IFT80: variants seen among roughly 807,000 people sequenced by gnomAD.
IFT80 encodes the protein intraflagellar transport protein 80 homolog.
Under a neutral mutation model 107.9 loss-of-function variants are expected in IFT80, and 79 were observed. The observed-to-expected ratio is 0.73, with a 90% CI of 0.61 to 0.88. The LOEUF (loss-of-function observed/expected upper bound fraction) is 0.88. IFT80 is among the 40% of genes least tolerant of loss of function. IFT80 has a pLI of 0.00. For synonymous variants in IFT80, 299 were observed against 300.9 expected (o/e 0.99, Z 0.07); for missense variants, 797 against 914.2 (o/e 0.87, Z 1.65).
At chr3:160,329,925 T>C (rs1718968783) in intron 8 of IFT80, among the ~76,000 whole-genome samples, 1 of 152,180 alleles carries the variant, frequency 6.6e-6, no homozygotes, top group Admixed American at 6.6e-5. Context: ...CTGTTACTTA[T>C]CTTACTTATC....
chr3:160,309,330 CA>C (rs1254655636), intron 9 of IFT80, among the ~76,000 whole-genome samples: 1 of 152,086 alleles, frequency 6.6e-6, no homozygotes, highest in Admixed American at 6.5e-5. Context: ...TATAGTCACA[CA>C]GGGGAATATT....
intron 16 of IFT80, among the ~76,000 whole-genome samples, 155 bp downstream of exon 16, chr3:160,279,038 T>A (rs759268162): frequency 6.6e-6 from 1 of 152,166 alleles, no homozygotes; most frequent in Non-Finnish European, 1.5e-5. Context: ...CAGCAACATG[T>A]ATTCCTCTGT....
chr3:160,332,048 GTTAT>G (rs1719129720), intron 8 of IFT80, among the ~76,000 whole-genome samples: 1 of 152,114 alleles, frequency 6.6e-6, no homozygotes, highest in Non-Finnish European at 1.5e-5. Flanking sequence ...TTCTCATGGT[GTTAT>G]TTAACATTTC....
At chr3:160,322,409 C>G (rs1162899806) in intron 8 of IFT80, among the ~76,000 whole-genome samples, 1 of 151,808 alleles carries the variant, frequency 6.6e-6, no homozygotes, top group African/African-American at 2.4e-5. Context: ...TGTATATGTG[C>G]CACATTTTCT....
In IFT80 at chr3:160,258,328, T is replaced by C; in HGVS notation, c.*197A>G. 1.4e-6 allele frequency: 1 copy of C among 691,570 alleles called. No homozygotes were observed. The highest frequency in any genetic ancestry group is 2.0e-5 in the South Asian group (1 of 51,270). The allele number at this position is 691,570 out of a possible 1,614,324, so 42.8% of individuals were successfully genotyped here. A position where few individuals can be genotyped will look rare whatever the true frequency, so the allele number is the denominator to read the frequency against. On this transcript the variant is annotated 3_prime_UTR_variant, in exon 20 of 20. Transcript: ENST00000326448. ...AGTAATATTTTGCTAATTATTGGACTAAAAAATATAAAAGATAGAAATACA... is the reference window on the plus strand; with the variant it reads ...AGTAATATTTTGCTAATTATTGGACCAAAAAATATAAAAGATAGAAATACA...
At chr3:160,313,703 G>A (rs934118545) in intron 9 of IFT80, among the ~76,000 whole-genome samples, 1 of 151,452 alleles carries the variant, frequency 6.6e-6, no homozygotes, top group African/African-American at 2.4e-5. Context: ...TCTGCCTCCA[G>A]GGTTCAAGTG....
At chr3:160,316,963 T>C (rs1458969662) in intron 9 of IFT80, among the ~76,000 whole-genome samples, 2 of 152,188 alleles carry the variant, frequency 1.3e-5, no homozygotes, top group East Asian at 1.9e-4. Flanking sequence ...CAATAATGCC[T>C]CTAAGTCAGT....
At position 160,282,598 on chromosome 3, in the gene IFT80, T is replaced by G. The variant is rs751820394; in HGVS notation, c.1396A>C (p.Ile466Leu). Residue 466 changes from isoleucine (I) to leucine (L), a missense_variant, in exon 14 of 20, where the codon ATT (isoleucine) becomes CTT (leucine). Ile to Leu is a conservative substitution (Grantham distance 5, BLOSUM62 2). Transcript: ENST00000326448. ...FLSHKNEILE[I>L]ALDQKGLTND... ...GTAAGTCCTTTTTGATCCAGAGCAA[T>G]TTCCAAGATTTCATTCTAAAATTTT... 7 of 1,584,110 alleles carry G rather than the reference T, an allele frequency of 4.4e-6. No individual in the cohort carries two copies. Among genetic ancestry groups the G allele is most frequent in the Non-Finnish European group, 6.1e-6 (7 of 1,156,006 alleles).
At chr3:160,296,718 G>C (rs986742870) in intron 12 of IFT80, among the ~76,000 whole-genome samples, 25 of 152,102 alleles carry the variant, frequency 1.6e-4, no homozygotes, top group African/African-American at 4.3e-4. Flanking sequence ...TGATAGAAAG[G>C]CTTTGCCTGG....
At chr3:160,314,650 T>C (rs1206406178) in intron 9 of IFT80, among the ~76,000 whole-genome samples, 1 of 152,148 alleles carries the variant, frequency 6.6e-6, no homozygotes, top group African/African-American at 2.4e-5. Flanking sequence ...AATTCTAAGT[T>C]GGGCAAACAA....
Position 160,279,210 on chromosome 3 carries a change from G to A in IFT80, c.1819C>T (p.Leu607Phe). The A allele has an allele frequency of 2.5e-6, 4 of 1,613,248 alleles. No homozygotes were observed. The highest frequency in any genetic ancestry group is 2.2e-5 in the South Asian group (2 of 91,046). The change falls in exon 16 of 20, where the codon CTT (leucine) becomes TTT (phenylalanine). Residue 607 changes from leucine to phenylalanine, a missense_variant. By Grantham distance (22) the Leu-to-Phe change is conservative (BLOSUM62 0). Transcript: ENST00000326448. ...TAAATTACCTTAACAAAGCGACAAA[G>A]TCTCACAGCATCTTCCCATTTTGAA... ...SSSKWEDAVR[L>F]CRFVKEQTMW...
At chr3:160,383,903 T>A in intron 2 of IFT80, 1 of 985,412 alleles carries the variant, frequency 1.0e-6, no homozygotes, top group Middle Eastern at 5.2e-4. Context: ...CACAGTGGAA[T>A]GAATACATGC....
intron 3 of IFT80, among the ~76,000 whole-genome samples, chr3:160,378,643 AT>A (rs200531858): frequency 2.6e-5 from 4 of 151,726 alleles, no homozygotes; most frequent in Admixed American, 6.6e-5. Context: ...CACATATAAA[AT>A]TTAAAAAAAA....
chr3:160,367,493 C>G (rs1721945093), intron 5 of IFT80, among the ~76,000 whole-genome samples: 1 of 152,078 alleles, frequency 6.6e-6, no homozygotes, highest in South Asian at 2.1e-4. Flanking sequence ...CAAAAACAAT[C>G]TAATAACCTC....
At chr3:160,355,878 T>A (rs898988536) in intron 8 of IFT80, 135 bp downstream of exon 8, 74 of 1,076,960 alleles carry the variant, frequency 6.9e-5, no homozygotes, top group Non-Finnish European at 9.6e-5. Flanking sequence ...TGAACCAGCA[T>A]ATTAAGAAGA....
chr3:160,293,643 A>G (rs1260968105), intron 12 of IFT80, among the ~76,000 whole-genome samples: 4 of 151,960 alleles, frequency 2.6e-5, no homozygotes, highest in African/African-American at 4.8e-5. Flanking sequence ...AATGCTTGGA[A>G]TTTTCTGAGT....
At chr3:160,368,727 T>C (rs1056672674) in intron 5 of IFT80, among the ~76,000 whole-genome samples, 6 of 151,966 alleles carry the variant, frequency 3.9e-5, no homozygotes, top group Non-Finnish European at 8.8e-5. Context: ...CTAGCTAAGG[T>C]TGTAGAATTA....
At chr3:160,365,913 T>C in intron 6 of IFT80, 130 bp downstream of exon 6, 1 of 732,368 alleles carries the variant, frequency 1.4e-6, no homozygotes, top group Non-Finnish European at 2.5e-6. Flanking sequence ...TAATAAAGGC[T>C]GATTAAACCA....
intron 19 of IFT80, among the ~76,000 whole-genome samples, chr3:160,265,377 A>C (rs1452795789): frequency 6.6e-6 from 1 of 152,166 alleles, no homozygotes; most frequent in Admixed American, 6.6e-5. Flanking sequence ...GATCTTCAAA[A>C]TTTTAAACTT....
Sources: gnomAD v4.1 joint callset for allele counts (sites outside exome capture counted in the v4.1 genomes callset) on GRCh38, gnomAD v4.1.1 for gene constraint, MANE v1.5 for transcripts, NCBI Gene and HGNC (gene_info 2026-07-23, HGNC 2026-07-21) for gene names.